Variants in TENM4 observed in about 807,000 individuals in gnomAD.
TENM4 encodes teneurin-4.
In TENM4, 82 loss-of-function variants were observed where a neutral mutation model predicts 243.3. That is an observed-to-expected ratio of 0.34 (90% CI 0.28 to 0.40). The LOEUF (loss-of-function observed/expected upper bound fraction) is 0.40, where lower values mean the gene tolerates loss of function less well. Ranked by LOEUF, TENM4 falls within the 10% of genes least tolerant of loss-of-function variation. The probability of loss-of-function intolerance (pLI) is 1.00; values close to 1 mark genes in which losing one functional copy is unlikely to be tolerated. For missense variants in TENM4, 3,138 were observed against 3,673.3 expected, an observed-to-expected ratio of 0.85 and a Z score of 3.77; for synonymous variants, 1,412 against 1,456.3, an observed-to-expected ratio of 0.97 and a Z score of 0.69.
At chr11:78,729,751 G>T (rs1855607086) in intron 21 of TENM4, 108 bp from the exon 22 acceptor site, 5 of 1,413,452 alleles carry the variant, frequency 3.5e-6, no homozygotes, top group Non-Finnish European at 3.8e-6. Flanking sequence ...AGAGGGAAAG[G>T]CAGAAGGAGA....
At chr11:79,207,180 G>T (rs1284191011) in intron 3 of TENM4, among the ~76,000 whole-genome samples, 1 of 152,154 alleles carries the variant, frequency 6.6e-6, no homozygotes, top group African/African-American at 2.4e-5. Flanking sequence ...GGGAGAATGA[G>T]CAGGAGTTTG....
intron 11 of TENM4, among the ~76,000 whole-genome samples, chr11:78,855,326 C>T (rs1335336893): frequency 6.6e-6 from 1 of 152,166 alleles, no homozygotes; most frequent in Non-Finnish European, 1.5e-5. Context: ...GCTGGCAGGA[C>T]CTTGCACAAG....
chr11:78,825,403 G>C (rs1857828756), intron 12 of TENM4, among the ~76,000 whole-genome samples: 1 of 152,142 alleles, frequency 6.6e-6, no homozygotes, highest in African/African-American at 2.4e-5. Flanking sequence ...CTTTATCCTT[G>C]TCAGCCATCT....
At chr11:79,235,302 G>A (rs996307942) in intron 2 of TENM4, among the ~76,000 whole-genome samples, 21 of 152,092 alleles carry the variant, frequency 1.4e-4, no homozygotes, top group African/African-American at 4.6e-4. Flanking sequence ...GTGACAAGGT[G>A]AGACTCCGTC....
intron 4 of TENM4, among the ~76,000 whole-genome samples, chr11:79,117,479 C>T (rs770258229): frequency 3.3e-5 from 5 of 152,206 alleles, no homozygotes; most frequent in Non-Finnish European, 5.9e-5. Flanking sequence ...GAAGGGCTAT[C>T]AGGGGCTGGG....
At chr11:79,151,314 A>T (rs1222011690) in intron 3 of TENM4, among the ~76,000 whole-genome samples, 1 of 152,210 alleles carries the variant, frequency 6.6e-6, no homozygotes, top group Non-Finnish European at 1.5e-5. Context: ...GAAACCATCC[A>T]TTCATCCATC....
intron 3 of TENM4, among the ~76,000 whole-genome samples, chr11:79,198,677 C>A (rs891736342): frequency 6.6e-6 from 1 of 152,216 alleles, no homozygotes; most frequent in Non-Finnish European, 1.5e-5. Flanking sequence ...GCTTTCTAGC[C>A]CTGCTTCCAT....
intron 24 of TENM4, among the ~76,000 whole-genome samples, chr11:78,722,292 G>A (rs1044899008): frequency 2.0e-5 from 3 of 152,332 alleles, no homozygotes; most frequent in African/African-American, 7.2e-5. Context: ...TAGGATTACA[G>A]GTATGAGCAA....
intron 1 of TENM4, among the ~76,000 whole-genome samples, chr11:79,435,547 C>T (rs553691472): frequency 1.3e-5 from 2 of 152,294 alleles, no homozygotes; most frequent in Non-Finnish European, 1.5e-5. Context: ...ATCAAATCTG[C>T]AAGGAGGTGA....
At chr11:78,856,301 C>T (rs929661132) in intron 10 of TENM4, 123 bp from the exon 11 acceptor site, 1 of 867,950 alleles carries the variant, frequency 1.2e-6, no homozygotes, top group Non-Finnish European at 1.7e-6. Flanking sequence ...TAATGTTCTG[C>T]TGTCAGCTTC....
chr11:78,688,255 T>C, intron 28 of TENM4, 29 bp from the exon 29 acceptor site: 1 of 1,601,252 alleles, frequency 6.2e-7, no homozygotes, highest in Non-Finnish European at 8.5e-7. Context: ...CACTGAGTAG[T>C]AGAAATATAA....
chr11:79,219,961 C>T (rs925746804), intron 2 of TENM4, among the ~76,000 whole-genome samples: 1 of 152,268 alleles, frequency 6.6e-6, no homozygotes, highest in South Asian at 2.1e-4. Flanking sequence ...CAGGAAACCA[C>T]CCTCCTCTCT....
rs933458533 is a variant in TENM4 at position 79,373,468 on chromosome 11, G to A, written c.-321+67041C>T. Among the ~76,000 whole-genome samples the A allele has an allele frequency of 6.8e-4, 104 of 152,132 alleles. 1 individual carries two copies. Among genetic ancestry groups the A allele is most frequent in the Non-Finnish European group, 5.9e-4 (40 of 68,020 alleles). On this transcript the variant is annotated intron_variant, in intron 1 of 33. Transcript: ENST00000278550. ...TGGATGGCTCGTTGAAAGGTTGGCTGGCTGGCTGGTTGGATAAATGGGTGG... is the reference window on the plus strand; with the variant it reads ...TGGATGGCTCGTTGAAAGGTTGGCTAGCTGGCTGGTTGGATAAATGGGTGG...
At chr11:78,991,423 A>G (rs1858043202) in intron 6 of TENM4, among the ~76,000 whole-genome samples, 1 of 152,210 alleles carries the variant, frequency 6.6e-6, no homozygotes. Flanking sequence ...GGATGGTAGC[A>G]AGATTGTACC....
At chr11:79,387,195 G>A (rs1301089486) in intron 1 of TENM4, among the ~76,000 whole-genome samples, 1 of 152,132 alleles carries the variant, frequency 6.6e-6, no homozygotes, top group Non-Finnish European at 1.5e-5. Context: ...TATAAAATGG[G>A]CCAACCAAAT....
intron 6 of TENM4, among the ~76,000 whole-genome samples, chr11:79,036,310 G>A (rs751243396): frequency 6.6e-6 from 1 of 152,194 alleles, no homozygotes; most frequent in South Asian, 2.1e-4. Flanking sequence ...CCTGTGTATC[G>A]CAGGCACCTG....
intron 1 of TENM4, among the ~76,000 whole-genome samples, chr11:79,341,517 T>G (rs1419211875): frequency 6.6e-6 from 1 of 152,134 alleles, no homozygotes; most frequent in Non-Finnish European, 1.5e-5. Context: ...CCCAAGAAAG[T>G]CATACAGGTC....
At chr11:78,999,017 A>T (rs1234949686) in intron 6 of TENM4, among the ~76,000 whole-genome samples, 1 of 152,236 alleles carries the variant, frequency 6.6e-6, no homozygotes, top group African/African-American at 2.4e-5. Context: ...TTCATCTCAC[A>T]TCTCCATTGG....
At chr11:78,870,094 C>T (rs957745658) in intron 9 of TENM4, among the ~76,000 whole-genome samples, 12 of 152,166 alleles carry the variant, frequency 7.9e-5, no homozygotes, top group African/African-American at 2.7e-4. Context: ...AAGTACTTAG[C>T]CTGTCTGAAT....
Sources: allele counts gnomAD v4.1 joint callset (sites outside exome capture counted in the v4.1 genomes callset), GRCh38; gene constraint gnomAD v4.1.1; transcripts MANE v1.5; gene names NCBI Gene and HGNC (gene_info 2026-07-23, HGNC 2026-07-21).